CYP4F8: variants seen among roughly 807,000 people sequenced by gnomAD.
CYP4F8 encodes cytochrome P450 family 4 subfamily F member 8.
A neutral mutation model predicts 55.0 loss-of-function variants in CYP4F8; 56 were observed. The observed-to-expected ratio is 1.02, with a 90% CI of 0.82 to 1.27. The LOEUF (loss-of-function observed/expected upper bound fraction) is 1.27, where lower values mean the gene tolerates loss of function less well. Ranked by LOEUF, CYP4F8 falls within the 50% of genes most tolerant of loss-of-function variation. The pLI is 0.00. For missense variants in CYP4F8, 680 were observed against 682.4 expected (o/e 1.00, Z 0.04); for synonymous variants, 288 against 267.3 (o/e 1.08, Z -0.76).
At chr19:15,623,854 C>T in intron 8 of CYP4F8, 89 bp downstream of exon 8, 2 of 1,595,304 alleles carry the variant, frequency 1.3e-6, no homozygotes, top group South Asian at 1.1e-5. Flanking sequence ...CTTCATTCTG[C>T]CCAACCTCCC....
chr19:15,619,380 G>A (rs541966561), intron 3 of CYP4F8, 110 bp from the exon 4 acceptor site: 6 of 1,322,614 alleles, frequency 4.5e-6, no homozygotes, highest in Non-Finnish European at 6.3e-6. Context: ...TTCCTGCTAT[G>A]CTGGGCTTGG....
chr19:15,628,832 G>T lies in CYP4F8; in HGVS notation c.1386G>T (p.Ser462=). Residue 462 remains serine, a synonymous_variant, in exon 12 of 13, where the codon TCG becomes TCT. Transcript: ENST00000612078. ...KRSPMAFIPF[S]AGPRNCIGQK... ...CACCTATGGCTTTTATTCCTTTCTC[G>T]GCGGGGCCCAGGTGAGGCCAGGGGG... 1 of 1,602,812 alleles carries T rather than the reference G, an allele frequency of 6.2e-7. No individual in the cohort carries two copies. Among genetic ancestry groups the T allele is most frequent in the East Asian group, 2.2e-5 (1 of 44,772 alleles).
intron 2 of CYP4F8, among the ~76,000 whole-genome samples, chr19:15,616,361 T>A (rs190106945): frequency 1.4e-3 from 218 of 152,150 alleles, no homozygotes; most frequent in African/African-American, 4.9e-3. Flanking sequence ...CTCATCTCCT[T>A]GTCTAGGGGA....
chr19:15,617,201 G>A (rs1485043131), intron 2 of CYP4F8, among the ~76,000 whole-genome samples: 1 of 152,174 alleles, frequency 6.6e-6, no homozygotes, highest in Non-Finnish European at 1.5e-5. Context: ...CCACTCCCAG[G>A]ATGAGAAAAT....
intron 10 of CYP4F8, 41 bp downstream of exon 10, chr19:15,628,476 G>A (rs930292890): frequency 1.2e-6 from 2 of 1,613,484 alleles, no homozygotes; most frequent in Non-Finnish European, 1.7e-6. Context: ...GGGCAGGGCG[G>A]TGGTCCCAGC....
At chr19:15,628,996 G>T (rs1171889353) in intron 12 of CYP4F8, among the ~76,000 whole-genome samples, 153 bp downstream of exon 12, 2 of 152,130 alleles carry the variant, frequency 1.3e-5, no homozygotes, top group Non-Finnish European at 2.9e-5. Flanking sequence ...CTCCTGCCCC[G>T]TCTGGTTTCA....
chr19:15,628,805 G>A lies in CYP4F8; in HGVS notation c.1359G>A (p.Arg453=). ...FRFDPENAQK[R]SPMAFIPFSA... is the part of the protein sequence containing the mutation. ...TCGACCCAGAAAACGCCCAGAAGAG[G>A]TCACCTATGGCTTTTATTCCTTTCT... The change falls in exon 12 of 13, where the codon AGG becomes AGA. Residue 453 remains arginine (R), a synonymous_variant. Transcript: ENST00000612078. 6.2e-7 allele frequency: 1 copy of A among 1,610,332 alleles called. No individual in the cohort carries two copies. The highest frequency in any genetic ancestry group is 8.5e-7 in the Non-Finnish European group (1 of 1,178,572).
chr19:15,626,112 A>T (rs1021357104), intron 9 of CYP4F8, among the ~76,000 whole-genome samples: 2 of 152,148 alleles, frequency 1.3e-5, no homozygotes, highest in African/African-American at 2.4e-5. Flanking sequence ...GCTATGATCT[A>T]GTCCTTTTCT....
intron 2 of CYP4F8, among the ~76,000 whole-genome samples, chr19:15,617,496 A>G (rs1972138004): frequency 1.4e-5 from 1 of 71,714 alleles, no homozygotes; most frequent in South Asian, 4.3e-4. Flanking sequence ...CTATCTATCT[A>G]TCTATCTATC....
chr19:15,628,194 A>G (rs1972285637), intron 9 of CYP4F8, 108 bp from the exon 10 acceptor site: 1 of 1,500,150 alleles, frequency 6.7e-7, no homozygotes, highest in East Asian at 2.3e-5. Flanking sequence ...TGCTTCTGGA[A>G]TTAATTTTGT....
rs372642609 is a variant in CYP4F8 at position 15,618,057 on chromosome 19, C to A, written c.256C>A (p.Gln86Lys). The part of the protein sequence containing the change: ...VLTQLVATYP[Q>K]GFVRWLGPIT... ...GACCCAGCTGGTGGCCACCTACCCCCAGGGCTTTGTGAGGTGGTTGGGCCC... is the reference window on the plus strand; with the variant it reads ...GACCCAGCTGGTGGCCACCTACCCCAAGGGCTTTGTGAGGTGGTTGGGCCC... Residue 86 changes from glutamine (Q) to lysine (K), a missense_variant, in exon 3 of 13, where the codon CAG becomes AAG. By Grantham distance (53) the Gln-to-Lys change is moderately conservative (BLOSUM62 1). Transcript: ENST00000612078. 19 of 1,614,052 alleles carry A rather than the reference C, an allele frequency of 1.2e-5. No individual in the cohort carries two copies. The African/African-American group carries it at 2.5e-4, about 22-fold the overall frequency.
chr19:15,625,406 T>C (rs911346339), intron 9 of CYP4F8, among the ~76,000 whole-genome samples: 1 of 149,282 alleles, frequency 6.7e-6, no homozygotes, highest in Admixed American at 6.7e-5. Flanking sequence ...CACACACACA[T>C]ACTATATATA....
In CYP4F8 at chr19:15,628,366, C is replaced by T. The variant is rs1282355357; in HGVS notation, c.1180C>T (p.Pro394Ser). 2 of 1,613,994 alleles carry T rather than the reference C, an allele frequency of 1.2e-6. No homozygotes were observed. The highest frequency in any genetic ancestry group is 1.3e-5 in the African/African-American group (1 of 74,888). ...CLKESLRLHPPIPTFARGCTQ... is the reference protein window; with the variant it reads ...CLKESLRLHPSIPTFARGCTQ... Reference sequence around the variant, plus strand: ...GAAGGAGAGCCTGCGGTTGCATCCCCCAATCCCTACATTCGCCCGCGGCTG... The same window carrying T: ...GAAGGAGAGCCTGCGGTTGCATCCCTCAATCCCTACATTCGCCCGCGGCTG... Residue 394 changes from proline (P) to serine (S), a missense_variant, in exon 10 of 13, where the codon CCA becomes TCA. Pro to Ser is a moderately conservative substitution (Grantham distance 74, BLOSUM62 -1). Transcript: ENST00000612078.
rs763908027 is a variant in CYP4F8 at position 15,618,004 on chromosome 19, C to T, written c.203C>T (p.Thr68Ile). Residue 68 changes from threonine to isoleucine, a missense_variant, in exon 3 of 13, where the codon ACT becomes ATT. Thr to Ile is a moderately conservative substitution (Grantham distance 89). Coordinates refer to ENST00000612078, the MANE Select transcript of CYP4F8 (RefSeq NM_007253.4). ...TGGCCCTTGCCTTGCTTGCAGGTCACTCCCACAGAGGAGGGCTTGAGGGTC... is the reference window on the plus strand; with the variant it reads ...TGGCCCTTGCCTTGCTTGCAGGTCATTCCCACAGAGGAGGGCTTGAGGGTC... ...NWFLGHLGLV[T>I]PTEEGLRVLT... 3 of 1,613,740 alleles carry T rather than the reference C, an allele frequency of 1.9e-6. No homozygotes were observed. Among genetic ancestry groups the T allele is most frequent in the East Asian group, 2.2e-5 (1 of 44,884 alleles).
rs1277360274 is a variant in CYP4F8, at chr19:15,628,090, A to C, written c.1116-212A>C. 5.8e-6 allele frequency: 4 copies of C among 690,564 alleles called. No homozygotes were observed. The African/African-American group carries it at 7.2e-5, about 12-fold the overall frequency. The allele number at this position is 690,564 out of a possible 1,614,324, so 42.8% of individuals were successfully genotyped here. A position where few individuals can be genotyped will look rare whatever the true frequency, so the allele number is the denominator to read the frequency against. ...AATACTTTTAAGAGACACCCTCTGAATATTGTTTTGCTCAGAAATACCTCT... is the reference window on the plus strand; with the variant it reads ...AATACTTTTAAGAGACACCCTCTGACTATTGTTTTGCTCAGAAATACCTCT... On this transcript the variant is annotated intron_variant, in intron 9 of 12. Transcript: ENST00000612078.
intron 2 of CYP4F8, among the ~76,000 whole-genome samples, chr19:15,616,236 C>CCACTCATTCCTCTCCTCGCT (rs1555736624): frequency 9.7e-5 from 5 of 51,748 alleles, no homozygotes; most frequent in African/African-American, 2.9e-4. Flanking sequence ...CTCTCCTCAC[C>CCACTCATTCCTCTCCTCGCT]CACTCATTCC....
chr19:15,626,919 C>A (rs1972270224), intron 9 of CYP4F8, among the ~76,000 whole-genome samples: 1 of 152,150 alleles, frequency 6.6e-6, no homozygotes, highest in South Asian at 2.1e-4. Context: ...TCTGTTCCCA[C>A]ATTTCCAGTG....
intron 2 of CYP4F8, among the ~76,000 whole-genome samples, chr19:15,617,493 T>TCTAG (rs1174513537): frequency 1.4e-5 from 1 of 71,716 alleles, no homozygotes; most frequent in Non-Finnish European, 3.2e-5. Context: ...CATCTATCTA[T>TCTAG]CTATCTATCT....
chr19:15,623,657 C>T (rs1320458146), intron 7 of CYP4F8, 42 bp from the exon 8 acceptor site: 2 of 1,608,450 alleles, frequency 1.2e-6, no homozygotes, highest in East Asian at 2.2e-5. Flanking sequence ...GTTTAGACTC[C>T]AGTGACCCCA....
Sources: gnomAD v4.1 joint callset for allele counts (sites outside exome capture counted in the v4.1 genomes callset) on GRCh38, gnomAD v4.1.1 for gene constraint, MANE v1.5 for transcripts, NCBI Gene and HGNC (gene_info 2026-07-23, HGNC 2026-07-21) for gene names.